CLIC5: variants seen among roughly 807,000 people sequenced by gnomAD.
CLIC5 encodes CLIC family member 5, also known as chloride intracellular channel protein 5.
CLIC5 carries 20 observed loss-of-function variants against 24.7 expected under a neutral mutation model. The observed-to-expected ratio is 0.81, with a 90% CI of 0.57 to 1.18. CLIC5 has a LOEUF of 1.18. Among genes scored for constraint, CLIC5 ranks in the 50% most tolerant of loss-of-function variants. CLIC5 has a pLI of 0.00. For missense variants in CLIC5, 341 were observed against 326.1 expected (o/e 1.05, Z -0.35); for synonymous variants, 159 against 135.6 (o/e 1.17, Z -1.20).
At chr6:46,089,727 T>G in the CLIC5 span, among the ~76,000 whole-genome samples, 15 of 152,152 alleles carry the variant, frequency 9.9e-5, no homozygotes, top group Admixed American at 9.8e-4. Flanking sequence ...AACTTTCTTA[T>G]GAGTTCACAA....
At chr6:45,926,500 C>G (rs185801983) in intron 4 of CLIC5, among the ~76,000 whole-genome samples, 1 of 151,886 alleles carries the variant, frequency 6.6e-6, no homozygotes, top group East Asian at 1.9e-4. Flanking sequence ...TTGTGATCCG[C>G]CCCCCTCGGC....
chr6:45,932,765 AAGG>A (rs961781739), intron 4 of CLIC5: 4 of 152,282 alleles, frequency 2.6e-5, no homozygotes, highest in South Asian at 2.1e-4. Context: ...CACCTCTTAG[AAGG>A]AGAAGACAGG....
At chr6:45,989,535 C>G (rs1765857323) in intron 1 of CLIC5, among the ~76,000 whole-genome samples, 1 of 152,194 alleles carries the variant, frequency 6.6e-6, no homozygotes, top group Non-Finnish European at 1.5e-5. Context: ...TCCAGTGCTG[C>G]CCTTACAACA....
chr6:45,928,603 T>C (rs1472132857), intron 4 of CLIC5, among the ~76,000 whole-genome samples: 1 of 152,244 alleles, frequency 6.6e-6, no homozygotes. Context: ...TATCCTGTGC[T>C]TAGTGGGATA....
At chr6:46,014,405 T>G (rs1474955762) in intron 1 of CLIC5, 2 of 152,214 alleles carry the variant, frequency 1.3e-5, no homozygotes, top group Admixed American at 6.5e-5. Flanking sequence ...TTATGCCTTT[T>G]AAATTCTGCC....
At chr6:46,052,581 C>G (rs573217847) in intron 1 of CLIC5, among the ~76,000 whole-genome samples, 1 of 152,248 alleles carries the variant, frequency 6.6e-6, no homozygotes, top group African/African-American at 2.4e-5. Flanking sequence ...TTCCAGGACC[C>G]TAGAGAAGCT....
In CLIC5 at chr6:45,981,101, G is replaced by A. The variant is rs554208678; in HGVS notation, c.64-25857C>T. On this transcript the variant is annotated intron_variant, in intron 1 of 5. Coordinates refer to ENST00000339561, the MANE Select transcript of CLIC5 (RefSeq NM_016929.5). ...TCTTCCCACCTCAGCCTCCTGAGTA[G>A]CTGAAACTACAATATTTACCACCAG... 9.2e-5 allele frequency among the ~76,000 whole-genome samples: 14 copies of A among 152,096 alleles called. 1 individual carries two copies. In the East Asian group the frequency reaches 2.7e-3, roughly 29 times the overall value.
chr6:45,898,911 T>G lies in CLIC5; in HGVS notation c.*4177A>C, dbSNP rs1181545104. The stretch of plus-strand genomic sequence containing the variant: ...GTACATTTTACCAAAAACAGATTGC[T>G]TCTATAGAAACACAGAATAGCCCAA... On this transcript the variant is annotated 3_prime_UTR_variant, in exon 6 of 6. Coordinates refer to ENST00000339561, the MANE Select transcript of CLIC5 (RefSeq NM_016929.5). The G allele has an allele frequency of 6.6e-6, 1 of 152,300 alleles. No individual in the cohort carries two copies. 9.4% of individuals were successfully genotyped at this position (152,300 alleles called of 1,614,324 possible). A position where few individuals can be genotyped will look rare whatever the true frequency, so the allele number is the denominator to read the frequency against.
chr6:45,983,792 C>T (rs1765642552), intron 1 of CLIC5, among the ~76,000 whole-genome samples: 2 of 152,212 alleles, frequency 1.3e-5, no homozygotes, highest in South Asian at 4.1e-4. Flanking sequence ...ATGCCTTTCT[C>T]AGATAAGTCT....
chr6:45,971,376 A>G (rs1765195466), intron 1 of CLIC5, among the ~76,000 whole-genome samples: 1 of 152,198 alleles, frequency 6.6e-6, no homozygotes, highest in Admixed American at 6.6e-5. Context: ...ATGTTTTTAA[A>G]AAAATTTTAT....
intron 5 of CLIC5, chr6:45,912,756 T>G (rs1252560103): frequency 6.7e-7 from 1 of 1,495,660 alleles, no homozygotes; most frequent in Non-Finnish European, 9.0e-7. Flanking sequence ...AGAAGAAGAA[T>G]AAAGGATGAT....
intron 1 of CLIC5, among the ~76,000 whole-genome samples, chr6:45,973,687 C>A (rs1342574792): frequency 6.6e-6 from 1 of 152,208 alleles, no homozygotes; most frequent in African/African-American, 2.4e-5. Flanking sequence ...GCCTGTAATC[C>A]CAGCACTTTG....
chr6:46,079,997 G>A, exon 1 of CLIC5: 3 of 1,551,670 alleles, frequency 1.9e-6, no homozygotes, highest in Non-Finnish European at 2.6e-6. Context: ...CATCAGGCAG[G>A]AGGTAGCCTC....
chr6:46,048,073 G>T (rs796642010), intron 1 of CLIC5, among the ~76,000 whole-genome samples: 9 of 150,394 alleles, frequency 6.0e-5, no homozygotes, highest in African/African-American at 2.0e-4. Context: ...CGCAATTTTG[G>T]CTCACTGCAA....
the CLIC5 span, among the ~76,000 whole-genome samples, chr6:46,103,243 T>C: frequency 6.6e-6 from 1 of 152,226 alleles, no homozygotes; most frequent in Non-Finnish European, 1.5e-5. Context: ...CCTGTAGGCT[T>C]TTGAAAAATA....
At chr6:45,970,593 C>T (rs1765168433) in intron 1 of CLIC5, among the ~76,000 whole-genome samples, 1 of 152,160 alleles carries the variant, frequency 6.6e-6, no homozygotes, top group South Asian at 2.1e-4. Flanking sequence ...AGGCCCTCAC[C>T]CAGGAAGCCA....
At chr6:46,021,083 C>T (rs1391154523) in intron 1 of CLIC5, among the ~76,000 whole-genome samples, 2 of 37,220 alleles carry the variant, frequency 5.4e-5, no homozygotes, top group East Asian at 8.1e-4. Flanking sequence ...AGAATTTTTA[C>T]AACTCAAAAA....
intron 1 of CLIC5, among the ~76,000 whole-genome samples, chr6:45,982,464 G>A (rs1248113576): frequency 2.6e-5 from 4 of 152,072 alleles, no homozygotes; most frequent in Non-Finnish European, 4.4e-5. Context: ...ATCATACAGT[G>A]TACTTACAGA....
chr6:46,091,757 CTGT>C, the CLIC5 span, among the ~76,000 whole-genome samples: 1 of 152,244 alleles, frequency 6.6e-6, no homozygotes, highest in East Asian at 1.9e-4. Context: ...ATCCATTCAT[CTGT>C]TGTTGGACAG....
Sources: allele counts gnomAD v4.1 joint callset (sites outside exome capture counted in the v4.1 genomes callset), GRCh38; gene constraint gnomAD v4.1.1; transcripts MANE v1.5; gene names NCBI Gene and HGNC (gene_info 2026-07-23, HGNC 2026-07-21).